The following NUBPL variants were observed in gnomAD, a reference collection of about 807,000 sequenced individuals.
The protein encoded by NUBPL is iron-sulfur cluster transfer protein NUBPL.
A neutral mutation model predicts 45.7 loss-of-function variants in NUBPL; 31 were observed. That is an observed-to-expected ratio of 0.68 (90% CI 0.51 to 0.92). NUBPL has a LOEUF of 0.92. Among genes scored for constraint, NUBPL ranks in the 40% least tolerant of loss-of-function variants. The pLI is 0.00. For missense variants in NUBPL, 401 were observed against 398.7 expected (o/e 1.01, Z -0.05); for synonymous variants, 144 against 140.9 (o/e 1.02, Z -0.15).
At chr14:31,601,549 AC>A (rs2034434492) in intron 4 of NUBPL, among the ~76,000 whole-genome samples, 2 of 152,144 alleles carry the variant, frequency 1.3e-5, no homozygotes, top group Admixed American at 6.6e-5. Flanking sequence ...AAGAAAAAAA[AC>A]AAACAACCCC....
chr14:31,618,161 C>T (rs911364607), intron 4 of NUBPL, among the ~76,000 whole-genome samples: 4 of 152,022 alleles, frequency 2.6e-5, no homozygotes, highest in Non-Finnish European at 5.9e-5. Context: ...TGATTCTTCT[C>T]TCTTTTCTTC....
At chr14:31,831,179 G>T (rs542584150) in intron 8 of NUBPL, among the ~76,000 whole-genome samples, 2 of 151,900 alleles carry the variant, frequency 1.3e-5, no homozygotes, top group Non-Finnish European at 2.9e-5. Context: ...TAGTAGCTGG[G>T]ATTGCAGTCA....
chr14:31,710,758 G>C (rs2037553347), intron 6 of NUBPL, among the ~76,000 whole-genome samples: 1 of 152,160 alleles, frequency 6.6e-6, no homozygotes, highest in Non-Finnish European at 1.5e-5. Flanking sequence ...TATATGAATA[G>C]GAAGGATACA....
At chr14:31,673,913 G>A (rs1302356127) in intron 6 of NUBPL, among the ~76,000 whole-genome samples, 1 of 152,004 alleles carries the variant, frequency 6.6e-6, no homozygotes, top group Admixed American at 6.5e-5. Flanking sequence ...GGTCAATATT[G>A]AGTTATAAGG....
At chr14:31,771,310 C>A (rs114347740) in intron 6 of NUBPL, among the ~76,000 whole-genome samples, 3 of 151,804 alleles carry the variant, frequency 2.0e-5, no homozygotes, top group African/African-American at 7.3e-5. Flanking sequence ...CAGAAATAAA[C>A]GTTCTTATAA....
intron 3 of NUBPL, among the ~76,000 whole-genome samples, chr14:31,583,937 T>C (rs2033929984): frequency 6.6e-6 from 1 of 152,192 alleles, no homozygotes; most frequent in Admixed American, 6.5e-5. Context: ...TCCCAATGCA[T>C]TTGAAAATAA....
chr14:31,649,985 G>T (rs1200166847), intron 4 of NUBPL, among the ~76,000 whole-genome samples: 1 of 151,420 alleles, frequency 6.6e-6, no homozygotes, highest in African/African-American at 2.4e-5. Context: ...TCAGCCTCCT[G>T]AGTAGCTGGG....
intron 4 of NUBPL, among the ~76,000 whole-genome samples, chr14:31,603,299 G>GAAAAAAAAAAAAAAAA (rs529470069): frequency 1.4e-4 from 8 of 56,936 alleles, no homozygotes; most frequent in Non-Finnish European, 2.1e-4. Flanking sequence ...GATCCTGTCT[G>GAAAAAAAAAAAAAAAA]AAAAAAAAAA....
intron 4 of NUBPL, among the ~76,000 whole-genome samples, chr14:31,610,993 G>T (rs1406860129): frequency 6.6e-6 from 1 of 152,124 alleles, no homozygotes; most frequent in African/African-American, 2.4e-5. Context: ...GAGAAAAACT[G>T]AAAGCCTTCC....
chr14:31,740,031 A>G (rs2038249981), intron 6 of NUBPL, among the ~76,000 whole-genome samples: 1 of 152,180 alleles, frequency 6.6e-6, no homozygotes, highest in Admixed American at 6.5e-5. Context: ...TTGTTTGTGT[A>G]TATCACAGTT....
chr14:31,619,012 T>G (rs1008316628), intron 4 of NUBPL, among the ~76,000 whole-genome samples: 5 of 152,236 alleles, frequency 3.3e-5, no homozygotes, highest in African/African-American at 9.6e-5. Flanking sequence ...TAGCTCTTCT[T>G]GTTGCATTGA....
At chr14:31,693,930 A>T (rs990739500) in intron 6 of NUBPL, among the ~76,000 whole-genome samples, 3 of 136,658 alleles carry the variant, frequency 2.2e-5, no homozygotes, top group Non-Finnish European at 4.5e-5. Context: ...ATCTGGGCTC[A>T]CTGTAAGCTC....
At chr14:31,758,832 G>A (rs1270330719) in intron 6 of NUBPL, among the ~76,000 whole-genome samples, 1 of 152,136 alleles carries the variant, frequency 6.6e-6, no homozygotes, top group Non-Finnish European at 1.5e-5. Context: ...TACTAATGAA[G>A]TAATTTTGCA....
intron 6 of NUBPL, among the ~76,000 whole-genome samples, chr14:31,774,375 C>T (rs1404421395): frequency 6.6e-6 from 1 of 152,156 alleles, no homozygotes; most frequent in African/African-American, 2.4e-5. Context: ...AGCTGAGAAG[C>T]CTAAAATGGA....
At chr14:31,649,919 G>A (rs1234189242) in intron 4 of NUBPL, among the ~76,000 whole-genome samples, 1 of 152,084 alleles carries the variant, frequency 6.6e-6, no homozygotes, top group Non-Finnish European at 1.5e-5. Flanking sequence ...GATTGCAATG[G>A]CGCAATCTCC....
chr14:31,846,419 G>A (rs1188565403), intron 8 of NUBPL, 52 bp from the exon 9 acceptor site: 3 of 1,471,254 alleles, frequency 2.0e-6, no homozygotes, highest in African/African-American at 1.4e-5. Flanking sequence ...TTGAAGTAAT[G>A]TATTAATATT....
intron 6 of NUBPL, among the ~76,000 whole-genome samples, chr14:31,782,571 A>G (rs1234557408): frequency 6.6e-6 from 1 of 152,168 alleles, no homozygotes; most frequent in Non-Finnish European, 1.5e-5. Flanking sequence ...TAGGCATATC[A>G]CCTGAGATCA....
At chr14:31,588,270 AAT>A (rs1243007644) in intron 3 of NUBPL, among the ~76,000 whole-genome samples, 2 of 152,184 alleles carry the variant, frequency 1.3e-5, no homozygotes, top group African/African-American at 4.8e-5. Context: ...AATAAGTTAA[AAT>A]ATATAATGTG....
intron 6 of NUBPL, among the ~76,000 whole-genome samples, chr14:31,707,746 TG>T (rs1331986352): frequency 6.6e-6 from 1 of 152,242 alleles, no homozygotes; most frequent in Non-Finnish European, 1.5e-5. Flanking sequence ...CTAAACACCT[TG>T]TACCCTTGAT....
Sources: allele counts gnomAD v4.1 joint callset (sites outside exome capture counted in the v4.1 genomes callset), GRCh38; gene constraint gnomAD v4.1.1; transcripts MANE v1.5; gene names NCBI Gene and HGNC (gene_info 2026-07-23, HGNC 2026-07-21).